CPQ: variants seen among roughly 807,000 people sequenced by gnomAD.
The protein encoded by CPQ is carboxypeptidase Q.
In CPQ, 37 loss-of-function variants were observed where a neutral mutation model predicts 45.7. That is an observed-to-expected ratio of 0.81 (90% CI 0.62 to 1.07). The LOEUF is 1.07. Among genes scored for constraint, CPQ ranks in the 50% least tolerant of loss-of-function variants. The probability of loss-of-function intolerance (pLI) is 0.00; values close to 1 mark genes in which losing one functional copy is unlikely to be tolerated. For synonymous variants in CPQ, 186 were observed against 205.8 expected (o/e 0.90, Z 0.82); for missense variants, 537 against 572.9 (o/e 0.94, Z 0.64).
chr8:97,031,585 A>G (rs908356100), intron 6 of CPQ, among the ~76,000 whole-genome samples: 15 of 152,232 alleles, frequency 9.9e-5, no homozygotes, highest in African/African-American at 3.6e-4. Flanking sequence ...CTAGAATGTG[A>G]AAAAAGAAGG....
intron 5 of CPQ, among the ~76,000 whole-genome samples, chr8:96,978,790 A>C (rs1421788767): frequency 3.3e-5 from 5 of 152,188 alleles, no homozygotes; most frequent in Non-Finnish European, 7.3e-5. Flanking sequence ...CTCCCACCCA[A>C]GAATGGAATA....
intron 1 of CPQ, among the ~76,000 whole-genome samples, chr8:96,716,790 C>T (rs1431849870): frequency 6.6e-6 from 1 of 151,564 alleles, no homozygotes; most frequent in Non-Finnish European, 1.5e-5. Flanking sequence ...GCCTGTAATC[C>T]CAGCTACTTG....
chr8:96,936,440 C>T (rs1348436562), intron 4 of CPQ, among the ~76,000 whole-genome samples: 1 of 152,162 alleles, frequency 6.6e-6, no homozygotes, highest in Admixed American at 6.5e-5. Flanking sequence ...GCTTTAAATA[C>T]CACAGAATTC....
At chr8:97,131,124 C>T (rs376871559) in intron 7 of CPQ, among the ~76,000 whole-genome samples, 1 of 152,208 alleles carries the variant, frequency 6.6e-6, no homozygotes, top group African/African-American at 2.4e-5. Flanking sequence ...GGGTAATTCG[C>T]CTTGTGTCTT....
intron 1 of CPQ, among the ~76,000 whole-genome samples, chr8:96,707,543 G>A (rs113278706): frequency 0.024 from 3,652 of 151,904 alleles, 164 homozygotes; most frequent in African/African-American, 0.083. Context: ...TCTTCTTCCA[G>A]TGTGGCCCAG....
At chr8:96,898,654 A>G (rs1586443184) in intron 4 of CPQ, among the ~76,000 whole-genome samples, 1 of 148,908 alleles carries the variant, frequency 6.7e-6, no homozygotes, top group African/African-American at 2.5e-5. Context: ...GAGGGATAGC[A>G]TTGGGAGATA....
intron 5 of CPQ, among the ~76,000 whole-genome samples, chr8:97,029,039 C>A (rs1254412411): frequency 6.6e-6 from 1 of 152,184 alleles, no homozygotes; most frequent in Non-Finnish European, 1.5e-5. Flanking sequence ...AAAGACCCCA[C>A]AATATGCTTG....
chr8:97,126,174 T>C (rs186543275), intron 7 of CPQ, among the ~76,000 whole-genome samples: 1 of 152,270 alleles, frequency 6.6e-6, no homozygotes, highest in East Asian at 1.9e-4. Flanking sequence ...AAGGGTGCGA[T>C]GGGTACGCTA....
At chr8:96,888,880 A>G (rs532424123) in intron 4 of CPQ, among the ~76,000 whole-genome samples, 5 of 152,202 alleles carry the variant, frequency 3.3e-5, no homozygotes, top group South Asian at 2.1e-4. Flanking sequence ...TTCAGCATCT[A>G]TTTACTTATT....
intron 3 of CPQ, among the ~76,000 whole-genome samples, chr8:96,866,199 T>A (rs1811993027): frequency 6.6e-6 from 1 of 152,096 alleles, no homozygotes; most frequent in Non-Finnish European, 1.5e-5. Context: ...TCACTCCTTT[T>A]ACAGAGCTAG....
intron 1 of CPQ, among the ~76,000 whole-genome samples, chr8:96,659,540 C>T (rs962379848): frequency 2.0e-5 from 3 of 152,218 alleles, no homozygotes; most frequent in African/African-American, 2.4e-5. Context: ...CTTTACCCTA[C>T]GGCTTTAATA....
At chr8:96,824,868 T>G (rs1811357254) in intron 2 of CPQ, among the ~76,000 whole-genome samples, 1 of 152,074 alleles carries the variant, frequency 6.6e-6, no homozygotes, top group Non-Finnish European at 1.5e-5. Context: ...CCTGCTAAAG[T>G]GGATCATGAA....
At chr8:96,698,330 G>T (rs1809413466) in intron 1 of CPQ, among the ~76,000 whole-genome samples, 1 of 152,024 alleles carries the variant, frequency 6.6e-6, no homozygotes, top group African/African-American at 2.4e-5. Context: ...CATCTTTCAT[G>T]ATATACAAAA....
rs79119545 is a variant in CPQ, at chr8:96,934,787, G to A, written c.850-31148G>A. ...CAGAAGCACAGTATGTCAAAGCTTA[G>A]AGGGAGCTCGGAGTTCATTATTTTA... is the stretch of plus-strand genomic sequence containing the variant. On this transcript the variant is annotated intron_variant, in intron 4 of 7. Coordinates refer to ENST00000220763, the MANE Select transcript of CPQ (RefSeq NM_016134.4). Among the ~76,000 whole-genome samples the A allele has an allele frequency of 1.7e-4, 26 of 152,244 alleles. 1 individual carries two copies. The East Asian group carries it at 4.8e-3, about 28-fold the overall frequency.
chr8:97,133,200 ATATATT>A (rs1376709125), intron 7 of CPQ: 2 of 152,178 alleles, frequency 1.3e-5, no homozygotes, highest in Admixed American at 6.6e-5. Flanking sequence ...CCATATATAC[ATATATT>A]TATATTTATG....
At chr8:96,760,531 T>C (rs1427749565) in intron 1 of CPQ, among the ~76,000 whole-genome samples, 1 of 152,046 alleles carries the variant, frequency 6.6e-6, no homozygotes, top group Non-Finnish European at 1.5e-5. Context: ...TAAGGGCTAA[T>C]GAGAAGGAGC....
At chr8:96,884,897 A>AT in intron 4 of CPQ, among the ~76,000 whole-genome samples, 1 of 152,348 alleles carries the variant, frequency 6.6e-6, no homozygotes, top group African/African-American at 2.4e-5. Context: ...TAAATAACTT[A>AT]TAAAATTAGC....
At chr8:96,780,730 G>T in intron 1 of CPQ, among the ~76,000 whole-genome samples, 1 of 139,564 alleles carries the variant, frequency 7.2e-6, no homozygotes, top group Admixed American at 7.3e-5. Flanking sequence ...TTTTTTTAGG[G>T]ACTGGATCTT....
At chr8:96,891,516 A>G (rs1298045191) in intron 4 of CPQ, among the ~76,000 whole-genome samples, 3 of 152,100 alleles carry the variant, frequency 2.0e-5, no homozygotes, top group African/African-American at 7.2e-5. Flanking sequence ...CACTTTGTTC[A>G]TGGGCCCATT....
Sources: allele counts gnomAD v4.1 joint callset (sites outside exome capture counted in the v4.1 genomes callset), GRCh38; gene constraint gnomAD v4.1.1; transcripts MANE v1.5; gene names NCBI Gene and HGNC (gene_info 2026-07-23, HGNC 2026-07-21).